Variants in CACNA1D observed in about 807,000 individuals in gnomAD.
CACNA1D encodes voltage-dependent L-type calcium channel subunit alpha-1D.
In CACNA1D, 55 loss-of-function variants were observed where a neutral mutation model predicts 257.1. The ratio of observed to expected loss-of-function variants is 0.21; its 90% CI spans 0.17 to 0.27. The LOEUF (loss-of-function observed/expected upper bound fraction) is 0.27. Ranked by LOEUF, CACNA1D falls within the 10% of genes least tolerant of loss-of-function variation. The pLI, the probability that CACNA1D is intolerant of heterozygous loss-of-function variation, is 1.00. For missense variants in CACNA1D, 1,876 were observed against 2,784.0 expected, an observed-to-expected ratio of 0.67 and a Z score of 7.34; for synonymous variants, 980 against 1,014.9, an observed-to-expected ratio of 0.97 and a Z score of 0.65.
intron 3 of CACNA1D, among the ~76,000 whole-genome samples, chr3:53,609,430 A>C (rs1193630468): frequency 1.3e-5 from 2 of 151,652 alleles, no homozygotes; most frequent in Non-Finnish European, 2.9e-5. Flanking sequence ...AAAAAAAAAA[A>C]AAACTTCAAG....
chr3:53,572,197 C>G (rs1211912499), intron 3 of CACNA1D, among the ~76,000 whole-genome samples: 1 of 152,102 alleles, frequency 6.6e-6, no homozygotes, highest in Non-Finnish European at 1.5e-5. Context: ...GAATCCAGCT[C>G]TTTCTCCAAG....
At chr3:53,810,758 C>CAAAAAAAAAAAAAAAAAAAAAA (rs71074934) in intron 47 of CACNA1D, among the ~76,000 whole-genome samples, 42 of 68,290 alleles carry the variant, frequency 6.2e-4, no homozygotes, top group Non-Finnish European at 7.9e-4. Flanking sequence ...ACTCTTGTCT[C>CAAAAAAAAAAAAAAAAAAAAAA]AAAAAAAAAA....
At chr3:53,515,262 G>C (rs1281332687) in intron 3 of CACNA1D, among the ~76,000 whole-genome samples, 1 of 152,090 alleles carries the variant, frequency 6.6e-6, no homozygotes, top group Non-Finnish European at 1.5e-5. Context: ...CTTGGCCCAG[G>C]TGGGAGCCCC....
chr3:53,609,890 T>C (rs2093561773), intron 3 of CACNA1D, among the ~76,000 whole-genome samples: 1 of 152,238 alleles, frequency 6.6e-6, no homozygotes, highest in Non-Finnish European at 1.5e-5. Context: ...ATATTGGCTA[T>C]ACATTTCCCT....
At position 53,801,528 on chromosome 3, in the gene CACNA1D, G is replaced by A. The variant is rs148718872; in HGVS notation, c.5408+103G>A. On this transcript the variant is annotated intron_variant, in intron 42 of 47. Transcript: ENST00000350061. ...TCTGTGCTCTGTGCTCTGGGGCATG[G>A]AGGAGGTTCCCCGTAGGCATTTGTG... The A allele has an allele frequency of 8.7e-5, 128 of 1,464,204 alleles. 1 individual carries two copies. Among genetic ancestry groups the A allele is most frequent in the South Asian group, 4.1e-4 (36 of 87,450 alleles). 90.7% of individuals were successfully genotyped at this position (1,464,204 alleles called of 1,614,324 possible).
chr3:53,571,437 C>T (rs890147210), intron 3 of CACNA1D, among the ~76,000 whole-genome samples: 3 of 152,206 alleles, frequency 2.0e-5, no homozygotes, highest in Admixed American at 6.5e-5. Flanking sequence ...AGAGCTGTCA[C>T]ATGCACTCAC....
At chr3:53,540,123 GTTTA>G (rs1438676349) in intron 3 of CACNA1D, among the ~76,000 whole-genome samples, 7 of 147,302 alleles carry the variant, frequency 4.8e-5, no homozygotes, top group African/African-American at 1.5e-4. Flanking sequence ...TTGTTTGTTT[GTTTA>G]TTTATTTTTG....
intron 3 of CACNA1D, among the ~76,000 whole-genome samples, chr3:53,521,386 C>T (rs1002692093): frequency 1.3e-5 from 2 of 152,094 alleles, no homozygotes; most frequent in South Asian, 4.2e-4. Flanking sequence ...AAAGTTTTTA[C>T]TTTTGATGAC....
In CACNA1D at chr3:53,751,940, C is replaced by T. The variant is rs758105060; in HGVS notation, c.3675+33C>T. 1.8e-5 allele frequency: 29 copies of T among 1,608,778 alleles called. No homozygotes were observed. Among genetic ancestry groups the T allele is most frequent in the African/African-American group, 6.7e-5 (5 of 74,754 alleles). On this transcript the variant is annotated intron_variant, in intron 28 of 47. Transcript: ENST00000350061. This position sits in a 1 kb window ranked among gnomAD's most constrained non-coding sequence, Gnocchi z 4.3. ...TGGAGACAGCCGTGGGGATCAGGTC[C>T]GGGCATTCCGCACAGCCCCGTGCCC...
At chr3:53,564,113 G>A (rs1032243027) in intron 3 of CACNA1D, among the ~76,000 whole-genome samples, 1 of 152,032 alleles carries the variant, frequency 6.6e-6, no homozygotes, top group Non-Finnish European at 1.5e-5. Flanking sequence ...TAGCCATTTA[G>A]TTTTCCCTTT....
chr3:53,555,466 T>G (rs1166377732), intron 3 of CACNA1D, among the ~76,000 whole-genome samples: 1,418 of 96,886 alleles, frequency 0.015, 14 homozygotes, highest in African/African-American at 0.046. Flanking sequence ...GTGTGTTTTT[T>G]TTTTTTTTTT....
intron 3 of CACNA1D, among the ~76,000 whole-genome samples, chr3:53,564,006 C>A (rs1263756504): frequency 6.6e-6 from 1 of 152,118 alleles, no homozygotes; most frequent in Non-Finnish European, 1.5e-5. Flanking sequence ...TTTATAGATG[C>A]TAAAATTTTT....
At chr3:53,603,904 G>A (rs759660029) in intron 3 of CACNA1D, among the ~76,000 whole-genome samples, 2 of 152,194 alleles carry the variant, frequency 1.3e-5, no homozygotes, top group African/African-American at 2.4e-5. Context: ...CTGATGTATG[G>A]ACTGGTGTTT....
intron 3 of CACNA1D, among the ~76,000 whole-genome samples, chr3:53,614,622 A>T (rs553104147): frequency 6.6e-6 from 1 of 152,328 alleles, no homozygotes; most frequent in East Asian, 1.9e-4. Context: ...AAGAATATTT[A>T]TAAGGCCCAC....
At chr3:53,721,799 G>C (rs1270162089) in intron 11 of CACNA1D, among the ~76,000 whole-genome samples, 1 of 151,560 alleles carries the variant, frequency 6.6e-6, no homozygotes, top group Admixed American at 6.6e-5. Context: ...GATTGAAAAG[G>C]TTCCCTTTAA....
In CACNA1D at chr3:53,751,513, C is replaced by T. The variant is rs2015263; in HGVS notation, c.3517-236C>T. 0.88 allele frequency among the ~76,000 whole-genome samples: 134,240 copies of T among 152,232 alleles called. 59,413 individuals are homozygous for T. The highest frequency in any genetic ancestry group is 1 in the East Asian group (5,153 of 5,156). ...GCAAAATGGAAGCCACATGGGTAGG[C>T]ACCCAGCTTACCCGGAGCTTGCTGG... is the stretch of plus-strand genomic sequence containing the variant. On this transcript the variant is annotated intron_variant, in intron 27 of 47. Transcript: ENST00000350061. This position sits in a 1 kb window ranked among gnomAD's most constrained non-coding sequence, Gnocchi z 4.3.
intron 3 of CACNA1D, among the ~76,000 whole-genome samples, chr3:53,611,543 GCTT>G (rs1238868553): frequency 2.0e-5 from 3 of 151,946 alleles, no homozygotes; most frequent in African/African-American, 7.2e-5. Flanking sequence ...GATTTATTGA[GCTT>G]CTTGGTTATG....
intron 20 of CACNA1D, among the ~76,000 whole-genome samples, chr3:53,737,554 G>A (rs888952713): frequency 4.6e-5 from 7 of 152,164 alleles, no homozygotes; most frequent in Non-Finnish European, 1.0e-4. Context: ...CGGGAGCAGT[G>A]GCTCATGCCT....
At chr3:53,497,901 A>G (rs1208688866) in intron 2 of CACNA1D, among the ~76,000 whole-genome samples, 1 of 152,242 alleles carries the variant, frequency 6.6e-6, no homozygotes, top group African/African-American at 2.4e-5. Context: ...TTTGACCTTT[A>G]GTAGAATCTT....
Sources: gnomAD v4.1 joint callset for allele counts (sites outside exome capture counted in the v4.1 genomes callset) on GRCh38, gnomAD v4.1.1 for gene constraint, Gnocchi (gnomAD v3.1) non-coding constraint, MANE v1.5 for transcripts, NCBI Gene and HGNC (gene_info 2026-07-23, HGNC 2026-07-21) for gene names.